REPS2: variants seen among roughly 807,000 people sequenced by gnomAD.
REPS2 encodes RALBP1 associated Eps domain containing 2, also known as ralBP1-associated Eps domain-containing protein 2.
In REPS2, 23 loss-of-function variants were observed where a neutral mutation model predicts 53.6. The ratio of observed to expected loss-of-function variants is 0.43; its 90% CI spans 0.31 to 0.61. The LOEUF is 0.61. Among genes scored for constraint, REPS2 ranks in the 20% least tolerant of loss-of-function variants. REPS2 has a pLI of 0.11. For synonymous variants in REPS2, 238 were observed against 218.6 expected (o/e 1.09, Z -0.78); for missense variants, 446 against 534.9 (o/e 0.83, Z 1.64).
chrX:17,033,079 T>C (rs970178051), intron 5 of REPS2, among the ~76,000 whole-genome samples: 1 of 112,519 alleles, frequency 8.9e-6, no homozygotes, highest in African/African-American at 3.2e-5. Context: ...GTAATTTTGC[T>C]GGCAAAAGAT....
chrX:16,969,586 C>T (rs941128110), intron 1 of REPS2, among the ~76,000 whole-genome samples: 21 of 110,053 alleles, frequency 1.9e-4, no homozygotes, highest in Admixed American at 1.2e-3. Context: ...ACCAGTCAGG[C>T]GTGGCGGCGC....
chrX:17,016,634 C>G (rs1021932805), intron 2 of REPS2, among the ~76,000 whole-genome samples: 1 of 111,227 alleles, frequency 9.0e-6, no homozygotes, highest in Non-Finnish European at 1.9e-5. Context: ...GTCTCAAACT[C>G]CTGACCTCGA....
intron 17 of REPS2, among the ~76,000 whole-genome samples, chrX:17,142,408 C>T (rs1388920374): frequency 9.0e-6 from 1 of 111,293 alleles, no homozygotes; most frequent in Admixed American, 9.6e-5. Context: ...AATTAAGAGA[C>T]AAGCTGCTGA....
intron 1 of REPS2, among the ~76,000 whole-genome samples, chrX:16,972,863 T>A (rs185681805): frequency 6.3e-5 from 7 of 111,716 alleles, no homozygotes; most frequent in Middle Eastern, 4.6e-3. Flanking sequence ...GTTAACATTT[T>A]ATATAAAGGA....
chrX:16,992,509 T>G lies in REPS2; in HGVS notation c.274-13712T>G, dbSNP rs113661648. On this transcript the variant is annotated intron_variant, in intron 1 of 17. Transcript: ENST00000357277. ...GACTGACTCTGCCTTCTTTTTCCAG[T>G]GAAAAGATCTCGCTGTATGAAACAT... is the stretch of plus-strand genomic sequence containing the variant. Among the ~76,000 whole-genome samples the G allele has an allele frequency of 5.4e-3, 602 of 112,241 alleles. 5 individuals carry two copies. Among genetic ancestry groups the G allele is most frequent in the African/African-American group, 0.019 (578 of 30,932 alleles).
intron 1 of REPS2, among the ~76,000 whole-genome samples, chrX:16,971,387 C>T (rs2060892072): frequency 8.9e-6 from 1 of 112,081 alleles, no homozygotes; most frequent in South Asian, 3.7e-4. Flanking sequence ...ATTCTGGATT[C>T]AATACATATG....
At chrX:17,020,138 A>G (rs974791813) in intron 2 of REPS2, among the ~76,000 whole-genome samples, 1 of 112,066 alleles carries the variant, frequency 8.9e-6, no homozygotes, top group Admixed American at 9.5e-5. Context: ...GTGTGAAGTG[A>G]CAATGTCCTA....
At chrX:17,120,344 G>T (rs923858324) in intron 14 of REPS2, among the ~76,000 whole-genome samples, 1 of 111,777 alleles carries the variant, frequency 8.9e-6, no homozygotes, top group African/African-American at 3.3e-5. Context: ...ATGGGCTTGG[G>T]GTTTCAAATC....
At chrX:17,099,116 C>T (rs1406206650) in intron 13 of REPS2, among the ~76,000 whole-genome samples, 1 of 111,704 alleles carries the variant, frequency 9.0e-6, no homozygotes, top group African/African-American at 3.3e-5. Flanking sequence ...AGGCAGGGAA[C>T]ACCATGGCTT....
intron 1 of REPS2, among the ~76,000 whole-genome samples, chrX:16,959,730 C>G (rs1052275150): frequency 3.6e-5 from 4 of 111,713 alleles, no homozygotes; most frequent in Admixed American, 1.9e-4. Context: ...TGGCTGAATT[C>G]TACCAAACAT....
At chrX:17,026,599 T>G (rs1300003932) in intron 4 of REPS2, among the ~76,000 whole-genome samples, 8 of 110,354 alleles carry the variant, frequency 7.2e-5, no homozygotes, top group African/African-American at 2.6e-4. Context: ...CTGTTCCTCC[T>G]CCTTAATGCC....
intron 13 of REPS2, among the ~76,000 whole-genome samples, chrX:17,093,859 G>C (rs1289921484): frequency 9.0e-6 from 1 of 110,576 alleles, no homozygotes; most frequent in Non-Finnish European, 1.9e-5. Flanking sequence ...ACTTGCCCTT[G>C]ATTCAACCAC....
intron 1 of REPS2, among the ~76,000 whole-genome samples, chrX:16,991,010 G>C (rs967580300): frequency 9.0e-6 from 1 of 110,653 alleles, no homozygotes; most frequent in Non-Finnish European, 1.9e-5. Context: ...CCATGTGAGT[G>C]AGTCCCTGTG....
chrX:16,993,421 A>T (rs1011088957), intron 1 of REPS2, among the ~76,000 whole-genome samples: 74 of 111,762 alleles, frequency 6.6e-4, no homozygotes, highest in African/African-American at 2.3e-3. Context: ...ACCCTGGAAT[A>T]CAGTAGAAAA....
intron 16 of REPS2, chrX:17,137,168 C>T (rs1173558152): frequency 6.2e-5 from 7 of 112,308 alleles, no homozygotes; most frequent in Non-Finnish European, 1.3e-4. Flanking sequence ...AGTGGAATTG[C>T]TAGGTCATGT....
At chrX:17,108,335 G>A (rs1042775771) in intron 14 of REPS2, among the ~76,000 whole-genome samples, 7 of 110,017 alleles carry the variant, frequency 6.4e-5, no homozygotes, top group South Asian at 4.0e-4. Context: ...CACCACGCCC[G>A]GCTAATTCTG....
the REPS2 span, among the ~76,000 whole-genome samples, chrX:17,168,864 T>C: frequency 8.9e-6 from 1 of 112,066 alleles, no homozygotes. Flanking sequence ...TATCAAGATA[T>C]GGAATCTGTT....
At chrX:17,046,484 T>C (rs1021943909) in intron 5 of REPS2, among the ~76,000 whole-genome samples, 9 of 111,925 alleles carry the variant, frequency 8.0e-5, no homozygotes, top group Admixed American at 4.7e-4. Context: ...CCAAGCCTCA[T>C]CCTTCTGGTG....
At chrX:17,046,553 C>A (rs1311156347) in intron 5 of REPS2, among the ~76,000 whole-genome samples, 1 of 111,797 alleles carries the variant, frequency 8.9e-6, no homozygotes, top group African/African-American at 3.3e-5. Context: ...TCTTAGGGTT[C>A]ATGGGAGGGA....
Sources: allele counts gnomAD v4.1 joint callset (sites outside exome capture counted in the v4.1 genomes callset), GRCh38; gene constraint gnomAD v4.1.1; transcripts MANE v1.5; gene names NCBI Gene and HGNC (gene_info 2026-07-23, HGNC 2026-07-21).